NPEPPS: variants seen among roughly 807,000 people sequenced by gnomAD.
NPEPPS encodes puromycin-sensitive aminopeptidase.
Under a neutral mutation model 115.5 loss-of-function variants are expected in NPEPPS, and 14 were observed. That is an observed-to-expected ratio of 0.12 (90% CI 0.08 to 0.19). NPEPPS has a LOEUF of 0.19. Among genes scored for constraint, NPEPPS ranks in the 10% least tolerant of loss-of-function variants. NPEPPS has a pLI of 1.00. For missense variants in NPEPPS, 523 were observed against 1,110.8 expected, an observed-to-expected ratio of 0.47 and a Z score of 7.52; for synonymous variants, 285 against 390.6, an observed-to-expected ratio of 0.73 and a Z score of 3.19.
upstream of NPEPPS, among the ~76,000 whole-genome samples, chr17:47,530,106 T>TC (rs1907630244): frequency 7.1e-6 from 1 of 140,040 alleles, no homozygotes; most frequent in Admixed American, 7.2e-5. Context: ...CCGGCTATTT[T>TC]TTTTTTTTTT....
At chr17:47,618,780 T>C (rs373001964) in intron 20 of NPEPPS, among the ~76,000 whole-genome samples, 3 of 152,340 alleles carry the variant, frequency 2.0e-5, no homozygotes, top group South Asian at 2.1e-4. Context: ...TAAGCAAGTA[T>C]CTGTTGAGCA....
At chr17:47,619,656 GAAT>G in intron 21 of NPEPPS, 78 bp from the exon 22 acceptor site, 2 of 1,153,764 alleles carry the variant, frequency 1.7e-6, no homozygotes, top group South Asian at 2.5e-5. Flanking sequence ...GCAGAGAACA[GAAT>G]GATTTATTTT....
intron 2 of NPEPPS, chr17:47,548,181 G>A (rs1909373974): frequency 6.6e-6 from 1 of 151,612 alleles, no homozygotes; most frequent in Non-Finnish European, 1.5e-5. Context: ...AAACTATTTT[G>A]TCTATAGAAA....
chr17:47,544,727 T>TG (rs1348568857), intron 1 of NPEPPS, among the ~76,000 whole-genome samples: 4 of 145,768 alleles, frequency 2.7e-5, no homozygotes, highest in African/African-American at 1.0e-4. Flanking sequence ...TTTTTTTTTT[T>TG]TTTTGAGACG....
chr17:47,534,758 G>A (rs1908072617), intron 1 of NPEPPS, among the ~76,000 whole-genome samples: 1 of 151,058 alleles, frequency 6.6e-6, no homozygotes, highest in Non-Finnish European at 1.5e-5. Context: ...TAGTAGAGAT[G>A]GGGTTTTGCC....
chr17:47,556,727 C>T lies in NPEPPS; in HGVS notation c.340+10734C>T, dbSNP rs554855464. On this transcript the variant is annotated intron_variant, in intron 2 of 22. Coordinates refer to ENST00000322157, the MANE Select transcript of NPEPPS (RefSeq NM_006310.4). Reference sequence around the variant, plus strand: ...GTGGGGGCTGCCCCCCGCCTCCCTCCGGGACGGGGCGGCTCAAGCAATTCT... The same window carrying T: ...GTGGGGGCTGCCCCCCGCCTCCCTCTGGGACGGGGCGGCTCAAGCAATTCT... Among the ~76,000 whole-genome samples the T allele has an allele frequency of 3.9e-5, 6 of 152,196 alleles. No individual in the cohort carries two copies. In the East Asian group the frequency reaches 5.8e-4, roughly 15 times the overall value.
Position 47,531,260 on chromosome 17 carries a change from C to G in NPEPPS, c.-41C>G, listed in dbSNP as rs1023524551. 6.7e-7 allele frequency: 1 copy of G among 1,484,324 alleles called. No individual in the cohort carries two copies. Among genetic ancestry groups the G allele is most frequent in the Admixed American group, 2.1e-5 (1 of 47,194 alleles). 91.9% of individuals were successfully genotyped at this position (1,484,324 alleles called of 1,614,324 possible). On this transcript the variant is annotated 5_prime_UTR_variant, in exon 1 of 23. Transcript: ENST00000322157. ...GGGTCTCTCCCCCGCCCCCCAGGCT[C>G]CCCCGGTCGCTCTCCTCCGGCGGTC...
At chr17:47,594,345 A>C (rs1483160193) in intron 12 of NPEPPS, among the ~76,000 whole-genome samples, 1 of 152,002 alleles carries the variant, frequency 6.6e-6, no homozygotes, top group Non-Finnish European at 1.5e-5. Flanking sequence ...TAATAAATTA[A>C]CCTTAGCTTA....
intron 1 of NPEPPS, among the ~76,000 whole-genome samples, chr17:47,537,470 G>C (rs1296779827): frequency 6.6e-6 from 1 of 152,080 alleles, no homozygotes; most frequent in Non-Finnish European, 1.5e-5. Context: ...GAGGTGGGTG[G>C]ATCATGAGGT....
At chr17:47,603,044 C>T (rs1460331516) in intron 15 of NPEPPS, among the ~76,000 whole-genome samples, 1 of 152,050 alleles carries the variant, frequency 6.6e-6, no homozygotes, top group African/African-American at 2.4e-5. Context: ...ATATTTGTAT[C>T]TTACTGTTTT....
intron 17 of NPEPPS, among the ~76,000 whole-genome samples, chr17:47,606,078 C>T (rs1246515625): frequency 1.3e-5 from 2 of 152,012 alleles, no homozygotes; most frequent in African/African-American, 4.8e-5. Flanking sequence ...GGTTTCACCA[C>T]GTTGGTCAGG....
At chr17:47,606,461 CTTT>C (rs113101308) in intron 17 of NPEPPS, among the ~76,000 whole-genome samples, 2 of 143,650 alleles carry the variant, frequency 1.4e-5, no homozygotes. Context: ...GTCTTGTCTT[CTTT>C]TTTTTTTTTT....
Position 47,546,605 on chromosome 17 carries a change from C to G in NPEPPS, c.340+612C>G, listed in dbSNP as rs1305946173. On this transcript the variant is annotated intron_variant, in intron 2 of 22. Coordinates refer to ENST00000322157, the MANE Select transcript of NPEPPS (RefSeq NM_006310.4). ...CCAGGCTGGAGTGCAGTGGCGTGATCTCAGCTCACTGCTATCTCTGCCTCG... is the reference window on the plus strand; with the variant it reads ...CCAGGCTGGAGTGCAGTGGCGTGATGTCAGCTCACTGCTATCTCTGCCTCG... 5.9e-5 allele frequency among the ~76,000 whole-genome samples: 9 copies of G among 152,170 alleles called. No individual in the cohort carries two copies. In the East Asian group the frequency reaches 1.7e-3, roughly 29 times the overall value.
chr17:47,613,643 A>G (rs1331029921), intron 18 of NPEPPS, 26 bp from the exon 19 acceptor site: 2 of 1,567,658 alleles, frequency 1.3e-6, no homozygotes, highest in Non-Finnish European at 1.8e-6. Context: ...CATTTAATCA[A>G]ATGACTTATT....
At chr17:47,607,457 T>C (rs1023186270) in intron 17 of NPEPPS, among the ~76,000 whole-genome samples, 6 of 152,168 alleles carry the variant, frequency 3.9e-5, no homozygotes, top group Admixed American at 2.6e-4. Flanking sequence ...GAGAGGGCAA[T>C]GGGAGACCTT....
chr17:47,528,878 C>T (rs1401221866), upstream of NPEPPS, among the ~76,000 whole-genome samples: 2 of 151,938 alleles, frequency 1.3e-5, no homozygotes, highest in Admixed American at 1.3e-4. Context: ...TCAGGTTATT[C>T]ACCTGCCTTG....
chr17:47,617,315 CATTA>C (rs1914268090), intron 19 of NPEPPS, among the ~76,000 whole-genome samples: 2 of 152,116 alleles, frequency 1.3e-5, no homozygotes, highest in South Asian at 2.1e-4. Context: ...CAGAAACCAT[CATTA>C]ATTAATACTA....
At chr17:47,563,204 G>A (rs964855729) in intron 2 of NPEPPS, among the ~76,000 whole-genome samples, 1 of 151,704 alleles carries the variant, frequency 6.6e-6, no homozygotes, top group Non-Finnish European at 1.5e-5. Context: ...GCTAATTTTT[G>A]TATTTTTAGT....
At position 47,612,584 on chromosome 17, in the gene NPEPPS, C is replaced by T. The variant is rs376665760; in HGVS notation, c.2220C>T (p.Ser740=). 3.1e-5 allele frequency: 50 copies of T among 1,613,646 alleles called. No individual in the cohort carries two copies. The highest frequency in any genetic ancestry group is 4.5e-5 in the East Asian group (2 of 44,904). The change falls in exon 18 of 23, where the codon TCC becomes TCT. Residue 740 remains serine, a synonymous_variant. Coordinates refer to ENST00000322157, the MANE Select transcript of NPEPPS (RefSeq NM_006310.4). ...ACGTGGAAGGAAAACAGATTCTCTC[C>T]GCTGATCTGAGGAGTCCTGTAGGTT... ...KDHVEGKQIL[S]ADLRSPVYLT...
Sources: gnomAD v4.1 joint callset for allele counts (sites outside exome capture counted in the v4.1 genomes callset) on GRCh38, gnomAD v4.1.1 for gene constraint, MANE v1.5 for transcripts, NCBI Gene and HGNC (gene_info 2026-07-23, HGNC 2026-07-21) for gene names.